NAV2: variants seen among roughly 807,000 people sequenced by gnomAD.
NAV2 encodes the protein helicase, APC down-regulated 1.
Under a neutral mutation model 223.2 loss-of-function variants are expected in NAV2, and 54 were observed. That is an observed-to-expected ratio of 0.24 (90% CI 0.19 to 0.30). NAV2 has a LOEUF of 0.30. Ranked by LOEUF, NAV2 falls within the 10% of genes least tolerant of loss-of-function variation. The pLI is 1.00. For synonymous variants in NAV2, 1,279 were observed against 1,239.3 expected (o/e 1.03, Z -0.67); for missense variants, 2,806 against 3,147.5 (o/e 0.89, Z 2.60).
intron 1 of NAV2, among the ~76,000 whole-genome samples, chr11:19,442,288 A>G (rs116311379): frequency 6.6e-6 from 1 of 152,258 alleles, no homozygotes; most frequent in Non-Finnish European, 1.5e-5. Context: ...CTGGGCCTCC[A>G]TTCCTATTTC....
At chr11:19,539,432 GT>G (rs998713965) in intron 1 of NAV2, among the ~76,000 whole-genome samples, 29 of 152,098 alleles carry the variant, frequency 1.9e-4, no homozygotes, top group African/African-American at 7.0e-4. Context: ...TCAGGCTTGT[GT>G]TTTTTTCTAA....
intron 10 of NAV2, among the ~76,000 whole-genome samples, chr11:19,958,110 C>T (rs909454950): frequency 2.0e-5 from 3 of 152,016 alleles, no homozygotes; most frequent in Non-Finnish European, 2.9e-5. Context: ...GAGAGGCCTC[C>T]AAATGGGCTG....
At position 19,720,348 on chromosome 11, in the gene NAV2, C is replaced by T. The variant is rs1196263905; in HGVS notation, c.267+6386C>T. On this transcript the variant is annotated intron_variant, in intron 1 of 37. Transcript: ENST00000349880. ...TGACACAAAGTTTTTTGCAGGAACC[C>T]CCATTCGCCCACACAGAGCCAGAGA... 2.6e-5 allele frequency among the ~76,000 whole-genome samples: 4 copies of T among 152,264 alleles called. No individual in the cohort carries two copies. In the East Asian group the frequency reaches 5.8e-4, roughly 22 times the overall value.
At chr11:19,350,517 T>G (rs1184009269), upstream of NAV2, among the ~76,000 whole-genome samples, 1 of 152,212 alleles carries the variant, frequency 6.6e-6, no homozygotes, top group Admixed American at 6.5e-5. Flanking sequence ...GAGAGGGATG[T>G]GGATGTTAGC....
intron 3 of NAV2, among the ~76,000 whole-genome samples, chr11:19,865,689 G>A (rs531082558): frequency 2.0e-5 from 3 of 152,328 alleles, no homozygotes; most frequent in East Asian, 1.9e-4. Context: ...ATGGACTTAC[G>A]AATGATCTTT....
chr11:19,751,907 C>T (rs987106720), intron 1 of NAV2, among the ~76,000 whole-genome samples: 4 of 152,098 alleles, frequency 2.6e-5, no homozygotes, highest in Admixed American at 6.6e-5. Context: ...AGGTGGTCAA[C>T]TACTAGCTCA....
chr11:19,357,896 G>T (rs1370866685), intron 1 of NAV2, among the ~76,000 whole-genome samples: 1 of 152,168 alleles, frequency 6.6e-6, no homozygotes, highest in Non-Finnish European at 1.5e-5. Context: ...GCCCTTACAG[G>T]TTGCATTTTT....
intron 10 of NAV2, among the ~76,000 whole-genome samples, chr11:19,954,691 ATCTTTTCC>A (rs2047683196): frequency 6.6e-6 from 1 of 152,052 alleles, no homozygotes; most frequent in Non-Finnish European, 1.5e-5. Context: ...AATACCTTGT[ATCTTTTCC>A]TTTATTGCCT....
intron 1 of NAV2, among the ~76,000 whole-genome samples, chr11:19,489,349 C>T (rs2042548382): frequency 6.6e-6 from 1 of 152,182 alleles, no homozygotes; most frequent in African/African-American, 2.4e-5. Context: ...GTCTTTCTAC[C>T]TCTGCTGTCA....
rs979362316 is a variant in NAV2, at chr11:19,992,030, G to A, written c.2768+7783G>A. 2.0e-5 allele frequency among the ~76,000 whole-genome samples: 3 copies of A among 152,228 alleles called. No homozygotes were observed. The South Asian group carries it at 6.2e-4, about 32-fold the overall frequency. On this transcript the variant is annotated intron_variant, in intron 11 of 37. Coordinates refer to ENST00000349880, the MANE Select transcript of NAV2 (RefSeq NM_145117.5). ...AGAGTTATACTCATTGTCTTGGGATGAGAAGATGCTTCCAGCACAGTGGCC... is the reference window on the plus strand; with the variant it reads ...AGAGTTATACTCATTGTCTTGGGATAAGAAGATGCTTCCAGCACAGTGGCC...
chr11:19,953,682 A>G (rs2047579705), intron 10 of NAV2, among the ~76,000 whole-genome samples: 1 of 152,358 alleles, frequency 6.6e-6, no homozygotes, highest in Admixed American at 6.5e-5. Flanking sequence ...GAAGTGTCTG[A>G]AAGCCACTGG....
At chr11:19,896,119 G>A (rs868793428) in intron 6 of NAV2, among the ~76,000 whole-genome samples, 2 of 152,122 alleles carry the variant, frequency 1.3e-5, no homozygotes, top group African/African-American at 2.4e-5. Context: ...GACTGTGTCA[G>A]GATCTGGCAT....
At chr11:19,951,119 C>T (rs949804671) in intron 10 of NAV2, among the ~76,000 whole-genome samples, 1 of 152,090 alleles carries the variant, frequency 6.6e-6, no homozygotes, top group Non-Finnish European at 1.5e-5. Context: ...TTATGACTGG[C>T]TTTGGGGAAA....
chr11:19,406,128 G>A (rs1244864789), intron 1 of NAV2, among the ~76,000 whole-genome samples: 1 of 152,184 alleles, frequency 6.6e-6, no homozygotes, highest in Admixed American at 6.5e-5. Flanking sequence ...GTCAGCCCAG[G>A]CTGGCTTGGC....
At chr11:19,536,209 C>A (rs1430459488) in intron 1 of NAV2, among the ~76,000 whole-genome samples, 13 of 152,318 alleles carry the variant, frequency 8.5e-5, no homozygotes, top group Middle Eastern at 3.4e-3. Context: ...GAAGAGAAAG[C>A]CAAGCCTTAG....
intron 11 of NAV2, among the ~76,000 whole-genome samples, chr11:20,004,390 T>C (rs2052844094): frequency 6.6e-6 from 1 of 152,170 alleles, no homozygotes; most frequent in South Asian, 2.1e-4. Flanking sequence ...TGTAAAGTCC[T>C]GGTCTCTCCT....
At chr11:19,565,218 C>T (rs1035725075) in intron 1 of NAV2, among the ~76,000 whole-genome samples, 4 of 152,190 alleles carry the variant, frequency 2.6e-5, no homozygotes, top group Non-Finnish European at 2.9e-5. Flanking sequence ...TGTCCTTTTA[C>T]ATATGTTTAC....
At chr11:19,369,719 C>G (rs1294183349) in intron 1 of NAV2, among the ~76,000 whole-genome samples, 1 of 152,174 alleles carries the variant, frequency 6.6e-6, no homozygotes, top group Non-Finnish European at 1.5e-5. Context: ...CTTACCCCAG[C>G]ATACTCTATC....
At chr11:19,776,348 T>A (rs1322335907) in intron 1 of NAV2, among the ~76,000 whole-genome samples, 1 of 152,106 alleles carries the variant, frequency 6.6e-6, no homozygotes, top group Admixed American at 6.5e-5. Context: ...TCCCCAGTCC[T>A]CAAAGGAAGG....
Sources: allele counts gnomAD v4.1 joint callset (sites outside exome capture counted in the v4.1 genomes callset), GRCh38; gene constraint gnomAD v4.1.1; transcripts MANE v1.5; gene names NCBI Gene and HGNC (gene_info 2026-07-23, HGNC 2026-07-21).